Variants in KIF26B observed in about 807,000 individuals in gnomAD.
The protein encoded by KIF26B is kinesin-like protein KIF26B.
In KIF26B, 63 loss-of-function variants were observed where a neutral mutation model predicts 151.2. The observed-to-expected ratio is 0.42, with a 90% CI of 0.34 to 0.51. The LOEUF (loss-of-function observed/expected upper bound fraction) is 0.51, where lower values mean the gene tolerates loss of function less well. Among genes scored for constraint, KIF26B ranks in the 20% least tolerant of loss-of-function variants. KIF26B has a pLI of 0.07. For synonymous variants in KIF26B, 1,357 were observed against 1,262.1 expected (o/e 1.08, Z -1.59); for missense variants, 2,813 against 2,913.6 (o/e 0.97, Z 0.79).
At chr1:245,184,100 T>TC (rs1294034649) in intron 2 of KIF26B, among the ~76,000 whole-genome samples, 1 of 141,350 alleles carries the variant, frequency 7.1e-6, no homozygotes, top group Non-Finnish European at 1.5e-5. Flanking sequence ...GTGGTTTTCC[T>TC]CCAAGTCCCC....
At chr1:245,161,992 C>A (rs561070581) in intron 2 of KIF26B, among the ~76,000 whole-genome samples, 1 of 152,288 alleles carries the variant, frequency 6.6e-6, no homozygotes, top group Non-Finnish European at 1.5e-5. Context: ...AAGGAACCTC[C>A]TTATATTTAC....
At chr1:245,307,459 T>A (rs1671576278) in intron 2 of KIF26B, among the ~76,000 whole-genome samples, 1 of 152,094 alleles carries the variant, frequency 6.6e-6, no homozygotes, top group South Asian at 2.1e-4. Flanking sequence ...AAGTTCAGCA[T>A]AAAGCTCATT....
chr1:245,419,483 C>T (rs1009877978), intron 3 of KIF26B, 96 bp from the exon 4 acceptor site: 60 of 1,198,976 alleles, frequency 5.0e-5, no homozygotes, highest in Non-Finnish European at 6.9e-5. Flanking sequence ...AACCTGTTCC[C>T]TCTTGCCTCC....
intron 7 of KIF26B, among the ~76,000 whole-genome samples, chr1:245,608,583 G>C (rs1035425971): frequency 3.3e-5 from 5 of 152,164 alleles, no homozygotes; most frequent in Non-Finnish European, 7.3e-5. Context: ...TATAAAGTGT[G>C]AATATGTGGA....
At chr1:245,618,064 G>A (rs747289455) in intron 9 of KIF26B, among the ~76,000 whole-genome samples, 11 of 152,172 alleles carry the variant, frequency 7.2e-5, no homozygotes, top group Admixed American at 1.3e-4. Flanking sequence ...ACAGAAGGAA[G>A]AGAAGGAGGC....
intron 2 of KIF26B, among the ~76,000 whole-genome samples, chr1:245,211,239 C>T (rs912585092): frequency 3.3e-5 from 5 of 152,202 alleles, no homozygotes; most frequent in Non-Finnish European, 7.3e-5. Flanking sequence ...GTCTGAGCCC[C>T]TGTGTGGCCT....
At chr1:245,583,415 A>G (rs535377607) in intron 5 of KIF26B, among the ~76,000 whole-genome samples, 1 of 150,880 alleles carries the variant, frequency 6.6e-6, no homozygotes, top group African/African-American at 2.4e-5. Context: ...TCCGGGGCCA[A>G]GCCTGGCTGA....
intron 14 of KIF26B, among the ~76,000 whole-genome samples, chr1:245,701,665 A>T (rs1178442974): frequency 6.6e-6 from 1 of 152,202 alleles, no homozygotes; most frequent in Non-Finnish European, 1.5e-5. Flanking sequence ...AACTCAAGGC[A>T]GGCAGGGCAG....
chr1:245,414,267 G>A (rs1674364129), intron 3 of KIF26B, among the ~76,000 whole-genome samples: 1 of 152,320 alleles, frequency 6.6e-6, no homozygotes, highest in Admixed American at 6.5e-5. Flanking sequence ...GAGTCGCACT[G>A]ACTTGTAGGA....
intron 2 of KIF26B, among the ~76,000 whole-genome samples, chr1:245,269,460 C>CT (rs948516822): frequency 2.6e-4 from 40 of 151,374 alleles, no homozygotes; most frequent in Admixed American, 5.3e-4. Flanking sequence ...ACAGGATTTC[C>CT]TTTTTTTGTT....
intron 2 of KIF26B, among the ~76,000 whole-genome samples, chr1:245,302,262 A>G (rs1248455607): frequency 6.6e-6 from 1 of 152,224 alleles, no homozygotes; most frequent in Non-Finnish European, 1.5e-5. Flanking sequence ...GAGTCAGAAA[A>G]ATCTAATATA....
chr1:245,527,959 G>A (rs1187771919), intron 4 of KIF26B, among the ~76,000 whole-genome samples: 2 of 152,106 alleles, frequency 1.3e-5, no homozygotes, highest in Non-Finnish European at 2.9e-5. Flanking sequence ...AAGGCAAGAA[G>A]CTATTAAGTT....
chr1:245,280,597 G>GTTT (rs74163033), intron 2 of KIF26B, among the ~76,000 whole-genome samples: 26 of 104,482 alleles, frequency 2.5e-4, no homozygotes, highest in African/African-American at 7.5e-4. Flanking sequence ...GGAAGTTTTC[G>GTTT]TTTTTTTTTT....
chr1:245,633,636 T>C (rs1008003195), intron 9 of KIF26B, among the ~76,000 whole-genome samples: 3 of 152,190 alleles, frequency 2.0e-5, no homozygotes, highest in Non-Finnish European at 4.4e-5. Context: ...CTAGTGGTGG[T>C]GAATTCCCTC....
intron 2 of KIF26B, among the ~76,000 whole-genome samples, chr1:245,275,907 T>G (rs1345776770): frequency 6.6e-6 from 1 of 152,188 alleles, no homozygotes; most frequent in Non-Finnish European, 1.5e-5. Context: ...TATCCTTCGT[T>G]GACAGGTTTT....
intron 3 of KIF26B, among the ~76,000 whole-genome samples, chr1:245,399,808 G>C (rs1673949974): frequency 6.6e-6 from 1 of 152,086 alleles, no homozygotes; most frequent in Non-Finnish European, 1.5e-5. Flanking sequence ...AACACATCAA[G>C]TAAAAACTAT....
intron 3 of KIF26B, among the ~76,000 whole-genome samples, chr1:245,388,119 A>G (rs914241076): frequency 3.0e-4 from 45 of 152,168 alleles, no homozygotes; most frequent in African/African-American, 1.1e-3. Flanking sequence ...ATCGTGACAG[A>G]GGTGTTTTGG....
chr1:245,417,522 T>C (rs766297873), intron 3 of KIF26B, among the ~76,000 whole-genome samples: 2 of 152,202 alleles, frequency 1.3e-5, no homozygotes, highest in Non-Finnish European at 2.9e-5. Flanking sequence ...TTAAAAACAA[T>C]TGATGATTGA....
intron 12 of KIF26B, among the ~76,000 whole-genome samples, chr1:245,689,311 C>T (rs2044590626): frequency 6.6e-6 from 1 of 152,176 alleles, no homozygotes; most frequent in Non-Finnish European, 1.5e-5. Flanking sequence ...ACCCTCATGA[C>T]CTGGTGGCTT....
Sources: gnomAD v4.1 joint callset for allele counts (sites outside exome capture counted in the v4.1 genomes callset) on GRCh38, gnomAD v4.1.1 for gene constraint, MANE v1.5 for transcripts, NCBI Gene and HGNC (gene_info 2026-07-23, HGNC 2026-07-21) for gene names.